TFEC: variants seen among roughly 807,000 people sequenced by gnomAD.
The protein encoded by TFEC is class E basic helix-loop-helix protein 34.
TFEC carries 31 observed loss-of-function variants against 41.6 expected under a neutral mutation model. The observed-to-expected ratio is 0.74, with a 90% CI of 0.56 to 1.01. The LOEUF (loss-of-function observed/expected upper bound fraction) is 1.01, where lower values mean the gene tolerates loss of function less well. Ranked by LOEUF, TFEC falls within the 50% of genes least tolerant of loss-of-function variation. TFEC has a pLI of 0.00. For missense variants in TFEC, 402 were observed against 404.1 expected, an observed-to-expected ratio of 0.99 and a Z score of 0.04; for synonymous variants, 143 against 140.6, an observed-to-expected ratio of 1.02 and a Z score of -0.12.
At chr7:116,014,281 T>C (rs1203535835) in intron 1 of TFEC, among the ~76,000 whole-genome samples, 1 of 152,074 alleles carries the variant, frequency 6.6e-6, no homozygotes, top group Admixed American at 6.6e-5. Context: ...AATGAATAAG[T>C]GCATATAAAA....
intron 3 of TFEC, among the ~76,000 whole-genome samples, chr7:116,087,870 T>C (rs1306641073): frequency 6.6e-6 from 1 of 152,134 alleles, no homozygotes; most frequent in Non-Finnish European, 1.5e-5. Context: ...AATCTAAAAC[T>C]GTAGACTACC....
chr7:116,119,176 A>G (rs969315172), intron 1 of TFEC, among the ~76,000 whole-genome samples: 3 of 151,792 alleles, frequency 2.0e-5, no homozygotes, highest in Non-Finnish European at 4.4e-5. Context: ...CATTTTTACC[A>G]AATAGAGAAG....
At chr7:115,971,054 T>C (rs1793111498) in intron 3 of TFEC, among the ~76,000 whole-genome samples, 1 of 152,024 alleles carries the variant, frequency 6.6e-6, no homozygotes, top group Admixed American at 6.6e-5. Context: ...TTAATAAACA[T>C]CTGTTAATTT....
rs909435116 is a variant in TFEC at position 115,935,343 on chromosome 7, T to C, written c.*5208A>G. On this transcript the variant is annotated 3_prime_UTR_variant, in exon 8 of 8. Coordinates refer to ENST00000265440, the MANE Select transcript of TFEC (RefSeq NM_012252.4). ...ACAAATTCTACAGTCTTATTAACAA[T>C]GTTTTCTTGATCTAACCAATGTCAG... The C allele has an allele frequency of 2.0e-5, 3 of 152,102 alleles. No individual in the cohort carries two copies. The highest frequency in any genetic ancestry group is 7.2e-5 in the African/African-American group (3 of 41,418). 9.4% of individuals were successfully genotyped at this position (152,102 alleles called of 1,614,324 possible). A position where few individuals can be genotyped will look rare whatever the true frequency, so the allele number is the denominator to read the frequency against.
rs115805057 is a variant in TFEC, at chr7:116,093,605, T to C, written c.198+17103A>G. 8.5e-3 allele frequency among the ~76,000 whole-genome samples: 1,297 copies of C among 152,308 alleles called. 21 individuals are homozygous for C. Among genetic ancestry groups the C allele is most frequent in the African/African-American group, 0.029 (1,216 of 41,572 alleles). ...ACTTTTTCACTGTGCTCTTACCAAATGCATATTCTCTGTGTCACTTCATAT... is the reference window on the plus strand; with the variant it reads ...ACTTTTTCACTGTGCTCTTACCAAACGCATATTCTCTGTGTCACTTCATAT... On this transcript the variant is annotated intron_variant, in intron 3 of 8. Transcript: ENST00000484212.
At chr7:116,017,693 C>G (rs1795246171) in intron 1 of TFEC, among the ~76,000 whole-genome samples, 1 of 152,266 alleles carries the variant, frequency 6.6e-6, no homozygotes, top group South Asian at 2.1e-4. Context: ...CAAACACTAT[C>G]CCCCAATACA....
At chr7:116,140,773 ATT>A in intron 1 of TFEC, among the ~76,000 whole-genome samples, 1 of 152,176 alleles carries the variant, frequency 6.6e-6, no homozygotes, top group Admixed American at 6.6e-5. Context: ...TCTGTAGTGC[ATT>A]ATGTGCACTG....
At chr7:116,085,674 G>A (rs765885894) in intron 3 of TFEC, among the ~76,000 whole-genome samples, 3 of 151,804 alleles carry the variant, frequency 2.0e-5, no homozygotes, top group Non-Finnish European at 4.4e-5. Flanking sequence ...AATGTCACAA[G>A]AATAAAATGA....
intron 1 of TFEC, among the ~76,000 whole-genome samples, chr7:116,126,531 A>G (rs1300041205): frequency 6.6e-6 from 1 of 152,162 alleles, no homozygotes; most frequent in Non-Finnish European, 1.5e-5. Flanking sequence ...CCAGCCCAAG[A>G]GATGAAAAAA....
chr7:116,137,575 A>T (rs974015715), intron 1 of TFEC, among the ~76,000 whole-genome samples: 2 of 152,134 alleles, frequency 1.3e-5, no homozygotes, highest in Non-Finnish European at 2.9e-5. Flanking sequence ...CAAGTTATTA[A>T]GATGATTAGA....
At chr7:115,993,423 G>C (rs925662797) in intron 1 of TFEC, among the ~76,000 whole-genome samples, 4 of 152,254 alleles carry the variant, frequency 2.6e-5, no homozygotes, top group Admixed American at 1.3e-4. Context: ...AATTGTCCCT[G>C]TTTGCAGATG....
intron 3 of TFEC, among the ~76,000 whole-genome samples, chr7:116,105,259 T>C (rs1438942758): frequency 1.3e-5 from 2 of 152,146 alleles, no homozygotes; most frequent in African/African-American, 4.8e-5. Flanking sequence ...ACAAAACCAC[T>C]AGTACATATG....
chr7:116,030,984 C>G (rs575231360), upstream of TFEC, among the ~76,000 whole-genome samples: 1 of 152,104 alleles, frequency 6.6e-6, no homozygotes, highest in Admixed American at 6.6e-5. Flanking sequence ...ACAGTAAAAG[C>G]TCTTGTTGGT....
intron 1 of TFEC, chr7:116,157,306 C>T (rs1584584054): frequency 6.6e-6 from 1 of 151,872 alleles, no homozygotes; most frequent in African/African-American, 2.4e-5. Flanking sequence ...ACTCACTTTT[C>T]CCATTTTCTC....
chr7:115,988,784 A>G (rs994795653), intron 1 of TFEC, among the ~76,000 whole-genome samples: 11 of 152,106 alleles, frequency 7.2e-5, no homozygotes, highest in Admixed American at 7.2e-4. Context: ...ACAAAAAACA[A>G]TCTATACCTG....
chr7:116,157,038 A>G (rs1798884404), intron 1 of TFEC, among the ~76,000 whole-genome samples: 1 of 152,156 alleles, frequency 6.6e-6, no homozygotes, highest in Non-Finnish European at 1.5e-5. Flanking sequence ...GTGGACTTCC[A>G]ATCACAGCAA....
intron 1 of TFEC, among the ~76,000 whole-genome samples, chr7:116,004,400 ACC>A (rs1387213932): frequency 6.6e-6 from 1 of 152,224 alleles, no homozygotes; most frequent in Admixed American, 6.5e-5. Context: ...ATTTGTCCAA[ACC>A]CATAGAATGT....
At chr7:116,153,177 T>G (rs779883945) in intron 1 of TFEC, among the ~76,000 whole-genome samples, 1 of 152,120 alleles carries the variant, frequency 6.6e-6, no homozygotes, top group Non-Finnish European at 1.5e-5. Flanking sequence ...GCTGGACAAA[T>G]AGCAATGACA....
chr7:116,092,400 T>C (rs952955305), intron 3 of TFEC, among the ~76,000 whole-genome samples: 2 of 152,162 alleles, frequency 1.3e-5, no homozygotes, highest in African/African-American at 4.8e-5. Flanking sequence ...CAGACTTAAA[T>C]AGACAAAAAT....
Sources: allele counts gnomAD v4.1 joint callset (sites outside exome capture counted in the v4.1 genomes callset), GRCh38; gene constraint gnomAD v4.1.1; transcripts MANE v1.5; gene names NCBI Gene and HGNC (gene_info 2026-07-23, HGNC 2026-07-21).